FGGY: variants seen among roughly 807,000 people sequenced by gnomAD.
FGGY encodes FGGY carbohydrate kinase domain-containing protein.
FGGY carries 72 observed loss-of-function variants against 71.3 expected under a neutral mutation model. The observed-to-expected ratio is 1.01, with a 90% confidence interval of 0.84 to 1.23. FGGY has a LOEUF of 1.23. Ranked by LOEUF, FGGY falls within the 50% of genes most tolerant of loss-of-function variation. The pLI is 0.00. For synonymous variants in FGGY, 251 were observed against 250.3 expected (o/e 1.00, Z -0.02); for missense variants, 668 against 682.3 (o/e 0.98, Z 0.23).
chr1:59,501,376 C>G (rs2153608774), intron 6 of FGGY, among the ~76,000 whole-genome samples: 1 of 151,880 alleles, frequency 6.6e-6, no homozygotes, highest in Non-Finnish European at 1.5e-5. Context: ...ATTGAGAAAC[C>G]TATATAAATC....
rs2060203062 is a variant in FGGY at position 59,387,446 on chromosome 1, TTATC to T, written c.554+8610_554+8613del. On this transcript the variant is annotated intron_variant, in intron 5 of 15. Coordinates refer to ENST00000303721, the MANE Select transcript of FGGY (RefSeq NM_018291.5). ...TGAATGCAATTAATTTTTCTTATAT[TTATC>T]AACCACTTATTTATGTATGTCATTG... 1.3e-5 allele frequency among the ~76,000 whole-genome samples: 2 copies of T among 152,166 alleles called. 1 individual carries two copies. Among genetic ancestry groups the T allele is most frequent in the South Asian group, 4.1e-4 (2 of 4,832 alleles).
chr1:59,699,029 T>G (rs1462182723), intron 14 of FGGY: 12 of 985,422 alleles, frequency 1.2e-5, no homozygotes, highest in Non-Finnish European at 1.4e-5. Context: ...TGGTTGAATA[T>G]CAAACTAACA....
chr1:59,340,109 T>C (rs752242420), intron 3 of FGGY, 40 bp downstream of exon 3: 16 of 1,441,452 alleles, frequency 1.1e-5, no homozygotes, highest in Non-Finnish European at 1.5e-5. Flanking sequence ...GGTGGGATAC[T>C]TGGCTGATTA....
intron 13 of FGGY, chr1:59,673,829 G>A (rs1437198977): frequency 7.5e-6 from 4 of 531,298 alleles, no homozygotes; most frequent in South Asian, 6.5e-5. Flanking sequence ...GTTCCCTTGG[G>A]CTCTTGGCTA....
At chr1:59,675,688 T>G (rs957057291) in intron 14 of FGGY, among the ~76,000 whole-genome samples, 16 of 152,226 alleles carry the variant, frequency 1.1e-4, no homozygotes, top group African/African-American at 3.9e-4. Context: ...TTTTAGTGTA[T>G]CAGCTGACGG....
intron 14 of FGGY, among the ~76,000 whole-genome samples, chr1:59,752,860 C>T (rs975538072): frequency 6.6e-6 from 1 of 152,170 alleles, no homozygotes; most frequent in Non-Finnish European, 1.5e-5. Flanking sequence ...TACAGGGCCC[C>T]TATTTTTTCC....
At chr1:59,633,060 G>C (rs1329977046) in intron 10 of FGGY, among the ~76,000 whole-genome samples, 1 of 150,050 alleles carries the variant, frequency 6.7e-6, no homozygotes. Context: ...ACCCAGGCTG[G>C]AGTGCAGTGG....
intron 2 of FGGY, among the ~76,000 whole-genome samples, chr1:59,337,995 G>C (rs549697486): frequency 6.6e-6 from 1 of 152,156 alleles, no homozygotes; most frequent in Non-Finnish European, 1.5e-5. Flanking sequence ...GGTTTTTGTA[G>C]ATGCTCCTTA....
At chr1:59,311,753 T>G (rs750781731) in intron 1 of FGGY, among the ~76,000 whole-genome samples, 15 of 152,362 alleles carry the variant, frequency 9.8e-5, no homozygotes, top group Non-Finnish European at 2.1e-4. Context: ...TTTGGGTATA[T>G]ACCCAGTAAT....
chr1:59,472,999 C>A (rs1379008525), intron 6 of FGGY, among the ~76,000 whole-genome samples: 2 of 152,190 alleles, frequency 1.3e-5, no homozygotes, highest in African/African-American at 2.4e-5. Flanking sequence ...TCAAAACAGA[C>A]CACTCGGCTC....
rs2095824335 is a variant in FGGY, at chr1:59,563,339, C to T, written c.903+9112C>T. ...TGAATTTTATTGGAGGCCTTTTCTG[C>T]ATCTATTGAGATAATCATGTGGTTT... On this transcript the variant is annotated intron_variant, in intron 8 of 15. Transcript: ENST00000303721. Among the ~76,000 whole-genome samples, 3 of 152,290 alleles carry T rather than the reference C, an allele frequency of 2.0e-5. No homozygotes were observed. In the South Asian group the frequency reaches 6.2e-4, roughly 32 times the overall value.
chr1:59,334,974 A>G (rs1306611052), intron 2 of FGGY, among the ~76,000 whole-genome samples: 1 of 152,176 alleles, frequency 6.6e-6, no homozygotes, highest in Non-Finnish European at 1.5e-5. Flanking sequence ...ACCACTATTA[A>G]CAATTTGTTG....
chr1:59,690,530 G>T (rs556324111), intron 14 of FGGY, among the ~76,000 whole-genome samples: 1 of 152,210 alleles, frequency 6.6e-6, no homozygotes, highest in African/African-American at 2.4e-5. Context: ...ACCTCTACAC[G>T]GCCCTACCCC....
At chr1:59,746,806 T>C (rs2098202150) in intron 14 of FGGY, among the ~76,000 whole-genome samples, 1 of 152,192 alleles carries the variant, frequency 6.6e-6, no homozygotes, top group Non-Finnish European at 1.5e-5. Context: ...AATTTCCATT[T>C]TTAAAATGAG....
chr1:59,644,004 G>A (rs537443974), intron 11 of FGGY, among the ~76,000 whole-genome samples: 8 of 152,262 alleles, frequency 5.3e-5, no homozygotes, highest in Non-Finnish European at 1.2e-4. Flanking sequence ...ATTATACATG[G>A]TTTCATAGTG....
At chr1:59,396,708 G>A (rs899372707) in intron 5 of FGGY, among the ~76,000 whole-genome samples, 8 of 152,170 alleles carry the variant, frequency 5.3e-5, no homozygotes, top group Non-Finnish European at 8.8e-5. Flanking sequence ...TGTGATTCTA[G>A]GAAAGTAATT....
intron 2 of FGGY, among the ~76,000 whole-genome samples, chr1:59,336,479 G>GTT (rs55777640): frequency 0.36 from 51,829 of 143,658 alleles, 9,616 homozygotes; most frequent in East Asian, 0.48. Flanking sequence ...AAACCTGCTA[G>GTT]TTTTTTTTTT....
intron 4 of FGGY, among the ~76,000 whole-genome samples, chr1:59,373,117 A>C (rs2057998980): frequency 6.6e-6 from 1 of 152,098 alleles, no homozygotes; most frequent in African/African-American, 2.4e-5. Context: ...AGGAAGTCAA[A>C]TTGTCCCTGT....
intron 8 of FGGY, among the ~76,000 whole-genome samples, chr1:59,563,934 A>C (rs2095835530): frequency 6.6e-6 from 1 of 152,236 alleles, no homozygotes; most frequent in African/African-American, 2.4e-5. Flanking sequence ...AAAACAAGGA[A>C]TGGGGAAAGA....
Sources: gnomAD v4.1 joint callset for allele counts (sites outside exome capture counted in the v4.1 genomes callset) on GRCh38, gnomAD v4.1.1 for gene constraint, MANE v1.5 for transcripts, NCBI Gene and HGNC (gene_info 2026-07-23, HGNC 2026-07-21) for gene names.